FSTL5: variants seen among roughly 807,000 people sequenced by gnomAD.
The protein encoded by FSTL5 is follistatin like 5.
FSTL5 carries 62 observed loss-of-function variants against 89.1 expected under a neutral mutation model. The ratio of observed to expected loss-of-function variants is 0.70; its 90% confidence interval spans 0.57 to 0.86. The LOEUF is 0.86. Among genes scored for constraint, FSTL5 ranks in the 40% least tolerant of loss-of-function variants. FSTL5 has a pLI of 0.00. For synonymous variants in FSTL5, 383 were observed against 346.2 expected, an observed-to-expected ratio of 1.11 and a Z score of -1.18; for missense variants, 1,057 against 1,001.6, an observed-to-expected ratio of 1.06 and a Z score of -0.75.
At chr4:162,092,001 T>C (rs1160894562) in intron 2 of FSTL5, among the ~76,000 whole-genome samples, 2 of 151,662 alleles carry the variant, frequency 1.3e-5, no homozygotes, top group African/African-American at 2.4e-5. Flanking sequence ...TATAGAATTC[T>C]ATATTACATA....
intron 1 of FSTL5, among the ~76,000 whole-genome samples, chr4:162,119,404 GTAA>G (rs1731771944): frequency 6.6e-6 from 1 of 152,182 alleles, no homozygotes; most frequent in South Asian, 2.1e-4. Flanking sequence ...AACAAATGCT[GTAA>G]TAATGAATGC....
intron 4 of FSTL5, among the ~76,000 whole-genome samples, chr4:161,890,686 TAA>T (rs5863497): frequency 0.012 from 1,395 of 115,004 alleles, 24 homozygotes; most frequent in African/African-American, 0.043. Context: ...AGACTCTGTC[TAA>T]AAAAAAAAAA....
intron 3 of FSTL5, among the ~76,000 whole-genome samples, chr4:162,024,414 T>C (rs1204160794): frequency 7.8e-6 from 1 of 127,942 alleles, no homozygotes; most frequent in Admixed American, 8.0e-5. Flanking sequence ...CACCTAACAC[T>C]GTTTCTAATA....
At chr4:161,711,179 G>C (rs1164660860) in intron 6 of FSTL5, among the ~76,000 whole-genome samples, 1 of 151,602 alleles carries the variant, frequency 6.6e-6, no homozygotes, top group African/African-American at 2.4e-5. Flanking sequence ...AGAATGAAGA[G>C]GATATAAATA....
intron 6 of FSTL5, among the ~76,000 whole-genome samples, chr4:161,661,632 A>G (rs1197380866): frequency 6.6e-6 from 1 of 152,178 alleles, no homozygotes; most frequent in Non-Finnish European, 1.5e-5. Context: ...TTCAAAATAA[A>G]TGGTAATGCT....
intron 4 of FSTL5, among the ~76,000 whole-genome samples, chr4:161,820,081 T>C (rs1472436928): frequency 6.6e-6 from 1 of 152,134 alleles, no homozygotes. Context: ...CAAAATTTGT[T>C]TGCAATATAA....
chr4:161,510,956 C>G (rs1358896561), intron 10 of FSTL5, among the ~76,000 whole-genome samples: 4 of 151,892 alleles, frequency 2.6e-5, no homozygotes, highest in Non-Finnish European at 5.9e-5. Context: ...TTAAAACAGA[C>G]AGAAAATAGA....
chr4:161,605,391 C>T (rs1203890997), intron 7 of FSTL5, among the ~76,000 whole-genome samples: 1 of 151,800 alleles, frequency 6.6e-6, no homozygotes, highest in Non-Finnish European at 1.5e-5. Flanking sequence ...TATTTCTAGG[C>T]CCTAAAGATA....
At chr4:161,918,948 A>G (rs1733916496) in intron 4 of FSTL5, among the ~76,000 whole-genome samples, 1 of 152,088 alleles carries the variant, frequency 6.6e-6, no homozygotes, top group Admixed American at 6.5e-5. Context: ...AGGACCCCAC[A>G]TGATATTAAA....
intron 7 of FSTL5, among the ~76,000 whole-genome samples, chr4:161,648,175 G>A (rs2126675255): frequency 6.6e-6 from 1 of 152,260 alleles, no homozygotes; most frequent in Non-Finnish European, 1.5e-5. Context: ...CAGAAAGCTC[G>A]CTGTCCTTGC....
chr4:161,455,334 A>G (rs1283383094), intron 14 of FSTL5, among the ~76,000 whole-genome samples: 2 of 152,182 alleles, frequency 1.3e-5, no homozygotes, highest in Non-Finnish European at 2.9e-5. Flanking sequence ...TCTATAAAGA[A>G]AAAAATAGAA....
intron 3 of FSTL5, among the ~76,000 whole-genome samples, chr4:162,008,191 T>C (rs1426192042): frequency 1.3e-5 from 2 of 151,832 alleles, no homozygotes; most frequent in Non-Finnish European, 3.0e-5. Context: ...GTAATGACCA[T>C]TAATGAGAGA....
chr4:161,524,718 C>T (rs986851141), intron 10 of FSTL5, among the ~76,000 whole-genome samples: 17 of 152,038 alleles, frequency 1.1e-4, no homozygotes, highest in Non-Finnish European at 1.0e-4. Context: ...CCAGCATTTT[C>T]GGAGGCTGAG....
intron 3 of FSTL5, among the ~76,000 whole-genome samples, chr4:162,011,757 A>G (rs1404605474): frequency 6.6e-6 from 1 of 152,114 alleles, no homozygotes; most frequent in East Asian, 1.9e-4. Flanking sequence ...TCGGCCTCCC[A>G]AAGTGCTGGG....
chr4:161,563,624 T>C (rs1435785892), intron 8 of FSTL5, among the ~76,000 whole-genome samples: 1 of 151,976 alleles, frequency 6.6e-6, no homozygotes, highest in Non-Finnish European at 1.5e-5. Flanking sequence ...TGTTGTGGCA[T>C]ATATGTCCCT....
chr4:162,033,564 T>C, intron 3 of FSTL5, 61 bp downstream of exon 3: 1 of 850,880 alleles, frequency 1.2e-6, no homozygotes, highest in Non-Finnish European at 1.8e-6. Context: ...TAGCATCACA[T>C]ATCTTTTTTC....
At chr4:161,485,471 G>A (rs1426025421) in intron 12 of FSTL5, among the ~76,000 whole-genome samples, 1 of 152,100 alleles carries the variant, frequency 6.6e-6, no homozygotes, top group Non-Finnish European at 1.5e-5. Flanking sequence ...CACCTTCTAG[G>A]AAAATTGTTG....
intron 15 of FSTL5, among the ~76,000 whole-genome samples, chr4:161,428,941 G>A (rs1253780048): frequency 6.6e-6 from 1 of 152,108 alleles, no homozygotes; most frequent in Admixed American, 6.5e-5. Context: ...TTGGATTCTA[G>A]ATTTTGGCCC....
At chr4:161,970,290 T>G (rs1578903813) in intron 3 of FSTL5, among the ~76,000 whole-genome samples, 2 of 152,230 alleles carry the variant, frequency 1.3e-5, no homozygotes, top group South Asian at 4.1e-4. Context: ...ATTCTATATT[T>G]AGCAAGTTTA....
Sources: allele counts gnomAD v4.1 joint callset (sites outside exome capture counted in the v4.1 genomes callset), GRCh38; gene constraint gnomAD v4.1.1; transcripts MANE v1.5; gene names NCBI Gene and HGNC (gene_info 2026-07-23, HGNC 2026-07-21).